SNCAIP: variants seen among roughly 807,000 people sequenced by gnomAD.
SNCAIP encodes synphilin-1.
SNCAIP carries 43 observed loss-of-function variants against 86.7 expected under a neutral mutation model. The ratio of observed to expected loss-of-function variants is 0.50; its 90% CI spans 0.39 to 0.64. The LOEUF (loss-of-function observed/expected upper bound fraction) is 0.64, where lower values mean the gene tolerates loss of function less well. Ranked by LOEUF, SNCAIP falls within the 30% of genes least tolerant of loss-of-function variation. The pLI, the probability that SNCAIP is intolerant of heterozygous loss-of-function variation, is 0.00. For missense variants in SNCAIP, 981 were observed against 1,103.1 expected (o/e 0.89, Z 1.57); for synonymous variants, 417 against 427.2 (o/e 0.98, Z 0.29).
At chr5:122,436,678 T>C (rs1779562476) in intron 6 of SNCAIP, 1 of 152,230 alleles carries the variant, frequency 6.6e-6, no homozygotes, top group African/African-American at 2.4e-5. Context: ...ATCACAAAGC[T>C]AACTCCTTTT....
At chr5:122,323,067 G>C (rs538628194) in intron 1 of SNCAIP, among the ~76,000 whole-genome samples, 2 of 152,158 alleles carry the variant, frequency 1.3e-5, no homozygotes, top group South Asian at 2.1e-4. Context: ...AGGTTTAAAA[G>C]AATTTTCATA....
At chr5:122,338,277 T>A (rs1756903995) in intron 1 of SNCAIP, among the ~76,000 whole-genome samples, 1 of 152,250 alleles carries the variant, frequency 6.6e-6, no homozygotes, top group Non-Finnish European at 1.5e-5. Context: ...ATGATATGTT[T>A]GCCTTTTGAA....
chr5:122,432,427 T>C (rs1324727328), intron 6 of SNCAIP, among the ~76,000 whole-genome samples: 1 of 152,090 alleles, frequency 6.6e-6, no homozygotes, highest in Non-Finnish European at 1.5e-5. Flanking sequence ...GAAATAGAAA[T>C]TAATACTAAA....
chr5:122,364,404 TG>T (rs1489600952), intron 1 of SNCAIP, among the ~76,000 whole-genome samples: 1 of 152,224 alleles, frequency 6.6e-6, no homozygotes, highest in South Asian at 2.1e-4. Context: ...AACCCTCTCT[TG>T]GGGTCTGGAT....
intron 1 of SNCAIP, among the ~76,000 whole-genome samples, chr5:122,382,330 G>T (rs552049153): frequency 2.6e-5 from 4 of 152,022 alleles, no homozygotes; most frequent in Admixed American, 6.5e-5. Flanking sequence ...CCAGTTGATC[G>T]CATTGGCTCC....
chr5:122,343,073 G>C (rs755519669), intron 1 of SNCAIP, among the ~76,000 whole-genome samples: 3 of 152,168 alleles, frequency 2.0e-5, no homozygotes, highest in Non-Finnish European at 4.4e-5. Context: ...TGGCAAATAT[G>C]TTCATGAGTT....
rs1212303157 is a variant in SNCAIP at position 122,330,117 on chromosome 5, C to CTTTTTTTTTTTTTTTTTTTT, written c.-47+17836_-47+17855dup. ...CTTACCTCCGTGTACAACTTCATTTCTTTTTTTTTTTTTTTTTTTTTTGAG... is the reference window on the plus strand; with the variant it reads ...CTTACCTCCGTGTACAACTTCATTTCTTTTTTTTTTTTTTTTTTTTTTTTTTTTTTTTTTTTTTTTTTGAG... On this transcript the variant is annotated intron_variant, in intron 1 of 10. Coordinates refer to ENST00000261368, the MANE Select transcript of SNCAIP (RefSeq NM_005460.4). 7.6e-4 allele frequency among the ~76,000 whole-genome samples: 74 copies of CTTTTTTTTTTTTTTTTTTTT among 96,828 alleles called. 11 individuals carry two copies. Among genetic ancestry groups the CTTTTTTTTTTTTTTTTTTTT allele is most frequent in the East Asian group, 1.3e-3 (5 of 3,896 alleles). 63.5% of individuals were successfully genotyped at this position (96,828 alleles called of 152,430 possible).
intron 8 of SNCAIP, among the ~76,000 whole-genome samples, chr5:122,448,577 A>T (rs1782833947): frequency 8.0e-6 from 1 of 124,966 alleles, no homozygotes; most frequent in Non-Finnish European, 1.7e-5. Context: ...ATATCCTTCC[A>T]TATTTTATAT....
At chr5:122,420,259 G>A (rs304388) in intron 3 of SNCAIP, among the ~76,000 whole-genome samples, 45,569 of 152,012 alleles carry the variant, frequency 0.3, 7,188 homozygotes, top group Non-Finnish European at 0.35. Context: ...TCCATAGAGC[G>A]TTTTTAATGG....
At chr5:122,456,195 C>T (rs1344108361) in intron 10 of SNCAIP, among the ~76,000 whole-genome samples, 1 of 152,168 alleles carries the variant, frequency 6.6e-6, no homozygotes, top group Non-Finnish European at 1.5e-5. Context: ...AGCATAGAGT[C>T]CTTAAAAATC....
intron 1 of SNCAIP, among the ~76,000 whole-genome samples, chr5:122,379,902 C>T (rs374986930): frequency 3.9e-5 from 6 of 152,164 alleles, no homozygotes; most frequent in Non-Finnish European, 5.9e-5. Context: ...ACTTGATCAT[C>T]GTGGATAAGC....
At chr5:122,377,374 C>A (rs1256758078) in intron 1 of SNCAIP, among the ~76,000 whole-genome samples, 1 of 151,858 alleles carries the variant, frequency 6.6e-6, no homozygotes, top group East Asian at 1.9e-4. Flanking sequence ...ATTATACATT[C>A]TTTTATCTTC....
intron 1 of SNCAIP, among the ~76,000 whole-genome samples, chr5:122,386,675 G>A (rs1001277982): frequency 4.6e-5 from 7 of 152,110 alleles, no homozygotes; most frequent in African/African-American, 7.2e-5. Context: ...CTCAGCAGCC[G>A]AGCCCTGTGT....
intron 1 of SNCAIP, among the ~76,000 whole-genome samples, chr5:122,359,349 TTTTA>T (rs10528513): frequency 0.011 from 1,603 of 142,222 alleles, 13 homozygotes; most frequent in Non-Finnish European, 0.018. Context: ...AGATTTTTAT[TTTTA>T]TTTATTTATT....
Position 122,451,120 on chromosome 5 carries a change from A to G in SNCAIP, c.2273A>G (p.Asp758Gly). 1 of 1,614,118 alleles carries G rather than the reference A, an allele frequency of 6.2e-7. No homozygotes were observed. The highest frequency in any genetic ancestry group is 8.5e-7 in the Non-Finnish European group (1 of 1,179,994). The change falls in exon 10 of 11, where the codon GAC becomes GGC. Residue 758 changes from aspartate (D) to glycine (G), a missense_variant. Transcript: ENST00000261368. ...PSPTSESSEP[D>G]LESQYPGSGS... ...CCCACCTCAGAGAGCAGCGAACCAG[A>G]CTTAGAATCCCAGTATCCAGGCTCA...
chr5:122,338,434 C>A (rs1352311064), intron 1 of SNCAIP, among the ~76,000 whole-genome samples: 1 of 152,080 alleles, frequency 6.6e-6, no homozygotes, highest in Non-Finnish European at 1.5e-5. Flanking sequence ...ATCTAAAGGT[C>A]CCTAAATTGG....
intron 1 of SNCAIP, among the ~76,000 whole-genome samples, chr5:122,344,473 A>G (rs545615576): frequency 2.6e-5 from 4 of 152,138 alleles, no homozygotes; most frequent in African/African-American, 4.8e-5. Context: ...TTGCTGGTCT[A>G]TTTTTCATGT....
chr5:122,444,566 T>C lies in SNCAIP; in HGVS notation c.1426T>C (p.Leu476=). The change falls in exon 8 of 11, where the codon TTG becomes CTG. Residue 476 remains leucine (L), a synonymous_variant. Coordinates refer to ENST00000261368, the MANE Select transcript of SNCAIP (RefSeq NM_005460.4). ...QHGYLGCIQT[L]VEYGANVTMQ... ...CATGTCCTTCATTTTCTGACAGACC[T>C]TGGTTGAATATGGAGCAAATGTCAC... 6.2e-7 allele frequency: 1 copy of C among 1,614,022 alleles called. No homozygotes were observed.
At chr5:122,371,091 A>T (rs907521473) in intron 1 of SNCAIP, among the ~76,000 whole-genome samples, 1 of 151,958 alleles carries the variant, frequency 6.6e-6, no homozygotes, top group African/African-American at 2.4e-5. Flanking sequence ...AGGCAGGAGG[A>T]TCACTTGAGA....
Sources: allele counts gnomAD v4.1 joint callset (sites outside exome capture counted in the v4.1 genomes callset), GRCh38; gene constraint gnomAD v4.1.1; transcripts MANE v1.5; gene names NCBI Gene and HGNC (gene_info 2026-07-23, HGNC 2026-07-21).